The following NEXN variants were observed in gnomAD, a reference collection of about 807,000 sequenced individuals.
The protein encoded by NEXN is nexilin F-actin binding protein.
In NEXN, 65 loss-of-function variants were observed where a neutral mutation model predicts 92.6. The ratio of observed to expected loss-of-function variants is 0.70; its 90% CI spans 0.57 to 0.86. The LOEUF (loss-of-function observed/expected upper bound fraction) is 0.86, where lower values mean the gene tolerates loss of function less well. Ranked by LOEUF, NEXN falls within the 40% of genes least tolerant of loss-of-function variation. NEXN has a pLI of 0.00. For missense variants in NEXN, 778 were observed against 771.1 expected (o/e 1.01, Z -0.11); for synonymous variants, 254 against 242.5 (o/e 1.05, Z -0.44).
At chr1:77,924,260 G>C in intron 5 of NEXN, 1 of 155,596 alleles carries the variant, frequency 6.4e-6, no homozygotes, top group South Asian at 1.7e-4. Flanking sequence ...TACTCAGGAG[G>C]CTGAGGCAGG....
intron 1 of NEXN, among the ~76,000 whole-genome samples, chr1:77,895,870 A>G (rs546826584): frequency 3.2e-4 from 49 of 152,178 alleles, no homozygotes; most frequent in African/African-American, 1.1e-3. Context: ...ATCTCAAAAA[A>G]GAAATCTTAA....
Position 77,929,417 on chromosome 1 carries a change from A to G in NEXN, c.966A>G (p.Arg322=). 1 of 1,613,890 alleles carries G rather than the reference A, an allele frequency of 6.2e-7. No homozygotes were observed. Residue 322 remains arginine (R), a synonymous_variant, in exon 9 of 13, where the codon AGA becomes AGG. Coordinates refer to ENST00000334785, the MANE Select transcript of NEXN (RefSeq NM_144573.4). ...LSFEEMERQR[R]EDEKRKAEEE... ...TTGAAGAAATGGAAAGGCAAAGAAGAGAAGATGAAAAAAGGAAAGCAGAAG... is the reference window on the plus strand; with the variant it reads ...TTGAAGAAATGGAAAGGCAAAGAAGGGAAGATGAAAAAAGGAAAGCAGAAG...
At chr1:77,910,953 T>G (rs1557969074) in intron 1 of NEXN, among the ~76,000 whole-genome samples, 1 of 151,948 alleles carries the variant, frequency 6.6e-6, no homozygotes, top group Non-Finnish European at 1.5e-5. Flanking sequence ...TCCTCCTGCC[T>G]CTGTTTCCCA....
Position 77,935,940 on chromosome 1 carries a change from C to G in NEXN, c.1369C>G (p.Gln457Glu). The change falls in exon 11 of 13, where the codon CAG (glutamine) becomes GAG (glutamate). Residue 457 changes from glutamine to glutamate, a missense_variant. Gln to Glu is a conservative substitution (Grantham distance 29). Around this residue, in one of 3 missense-constraint regions of NEXN, gnomAD observed 532 missense variants for 476.7 expected, o/e 1.12. Coordinates refer to ENST00000334785, the MANE Select transcript of NEXN (RefSeq NM_144573.4). The part of the protein sequence containing the change: ...NLKSKFEKIG[Q>E]LSEKEIQKKI... ...AAAAAGCAAGTTTGAAAAAATTGGA[C>G]AGTTGTCTGAAAAAGAAATACAGAA... is the stretch of plus-strand genomic sequence containing the variant. The G allele has an allele frequency of 6.2e-7, 1 of 1,613,688 alleles. No homozygotes were observed. The highest frequency in any genetic ancestry group is 8.5e-7 in the Non-Finnish European group (1 of 1,179,842).
intron 5 of NEXN, among the ~76,000 whole-genome samples, chr1:77,924,702 C>T (rs2093648448): frequency 6.6e-6 from 1 of 151,384 alleles, no homozygotes; most frequent in Non-Finnish European, 1.5e-5. Flanking sequence ...CTCTGTCACT[C>T]ACACTGGAGT....
chr1:77,916,084 G>A lies in NEXN; in HGVS notation c.-23G>A. 1 of 1,598,648 alleles carries A rather than the reference G, an allele frequency of 6.3e-7. No individual in the cohort carries two copies. The highest frequency in any genetic ancestry group is 8.5e-7 in the Non-Finnish European group (1 of 1,170,678). ...AAATATATACAGAGCTTCATAATCA[G>A]CCCAAGACCACATAGAGCAAACATG... is the stretch of plus-strand genomic sequence containing the variant. On this transcript the variant is annotated 5_prime_UTR_variant, in exon 2 of 13. Transcript: ENST00000334785.
chr1:77,901,603 A>G (rs1647716951), intron 1 of NEXN, among the ~76,000 whole-genome samples: 2 of 152,134 alleles, frequency 1.3e-5, no homozygotes, highest in South Asian at 2.1e-4. Flanking sequence ...ACAAGGTGCA[A>G]TGGAGCCGAA....
At chr1:77,891,314 G>A (rs1427256834) in intron 1 of NEXN, among the ~76,000 whole-genome samples, 1 of 152,052 alleles carries the variant, frequency 6.6e-6, no homozygotes, top group Non-Finnish European at 1.5e-5. Flanking sequence ...GGATTTTGAT[G>A]TATTTCCTTT....
At chr1:77,935,396 C>G (rs1650666831) in intron 10 of NEXN, among the ~76,000 whole-genome samples, 3 of 152,150 alleles carry the variant, frequency 2.0e-5, no homozygotes, top group African/African-American at 7.2e-5. Flanking sequence ...ACAACTCCTA[C>G]AAAAAGCTAA....
At chr1:77,927,466 T>A (rs1445308799) in intron 8 of NEXN, among the ~76,000 whole-genome samples, 1 of 152,208 alleles carries the variant, frequency 6.6e-6, no homozygotes, top group Non-Finnish European at 1.5e-5. Flanking sequence ...TGATTATAAG[T>A]GTAAACTTGT....
At chr1:77,913,567 G>A (rs1234488957) in intron 1 of NEXN, among the ~76,000 whole-genome samples, 3 of 151,994 alleles carry the variant, frequency 2.0e-5, no homozygotes, top group East Asian at 1.9e-4. Flanking sequence ...TCAAGGAAAT[G>A]CAAATAAAAA....
At chr1:77,905,253 C>T (rs1053923588) in intron 1 of NEXN, among the ~76,000 whole-genome samples, 5 of 52,842 alleles carry the variant, frequency 9.5e-5, no homozygotes, top group South Asian at 7.8e-4. Flanking sequence ...AGTGAGACTC[C>T]GTCTCAAAAA....
intron 8 of NEXN, among the ~76,000 whole-genome samples, chr1:77,928,310 CAAAAA>C (rs199608369): frequency 1.3e-5 from 1 of 75,296 alleles, no homozygotes. Context: ...GACCCTGTCT[CAAAAA>C]AAAAAAAAAA....
In NEXN at chr1:77,918,105, T is replaced by C; in HGVS notation, c.299-20T>C. 6.2e-7 allele frequency: 1 copy of C among 1,613,138 alleles called. No homozygotes were observed. Among genetic ancestry groups the C allele is most frequent in the Non-Finnish European group, 8.5e-7 (1 of 1,179,616 alleles). On this transcript the variant is annotated intron_variant, in intron 4 of 12. Coordinates refer to ENST00000334785, the MANE Select transcript of NEXN (RefSeq NM_144573.4). ...TAGAAACATAACCAAGTATCAAACTTTTTTTTCATATATTTTTAGGAACTG... is the reference window on the plus strand; with the variant it reads ...TAGAAACATAACCAAGTATCAAACTCTTTTTTCATATATTTTTAGGAACTG...
intron 1 of NEXN, among the ~76,000 whole-genome samples, chr1:77,913,231 A>T (rs1037022134): frequency 6.6e-6 from 1 of 152,184 alleles, no homozygotes; most frequent in Non-Finnish European, 1.5e-5. Context: ...CCTGACCAAT[A>T]TAGCGAAACC....
In NEXN at chr1:77,943,167, C is replaced by T; in HGVS notation, c.*338C>T. 1 of 332,518 alleles carries T rather than the reference C, an allele frequency of 3.0e-6. No homozygotes were observed. The highest frequency in any genetic ancestry group is 5.9e-6 in the Non-Finnish European group (1 of 170,556). 20.6% of individuals were successfully genotyped at this position (332,518 alleles called of 1,614,324 possible). A position where few individuals can be genotyped will look rare whatever the true frequency, so the allele number is the denominator to read the frequency against. On this transcript the variant is annotated 3_prime_UTR_variant, in exon 13 of 13. Transcript: ENST00000334785. ...TATGGGGGGGAATTACTCAATTATTCTATCAGAACCTATTATAAAGACTGT... is the reference window on the plus strand; with the variant it reads ...TATGGGGGGGAATTACTCAATTATTTTATCAGAACCTATTATAAAGACTGT...
In NEXN at chr1:77,935,936, T is replaced by C; in HGVS notation, c.1365T>C (p.Ile455=). The C allele has an allele frequency of 6.2e-7, 1 of 1,613,900 alleles. No individual in the cohort carries two copies. The part of the protein sequence containing the change: ...AKNLKSKFEK[I]GQLSEKEIQK... Reference sequence around the variant, plus strand: ...ACCTAAAAAGCAAGTTTGAAAAAATTGGACAGTTGTCTGAAAAAGAAATAC... The same window carrying C: ...ACCTAAAAAGCAAGTTTGAAAAAATCGGACAGTTGTCTGAAAAAGAAATAC... Residue 455 remains isoleucine, a synonymous_variant, in exon 11 of 13, where the codon ATT becomes ATC. Coordinates refer to ENST00000334785, the MANE Select transcript of NEXN (RefSeq NM_144573.4).
intron 1 of NEXN, among the ~76,000 whole-genome samples, chr1:77,911,572 A>G (rs75661811): frequency 3.3e-5 from 5 of 151,990 alleles, no homozygotes; most frequent in African/African-American, 1.2e-4. Flanking sequence ...AGCCTGGGCG[A>G]CAAGAGCAAG....
At chr1:77,915,185 T>G (rs554687186) in intron 1 of NEXN, among the ~76,000 whole-genome samples, 1 of 151,698 alleles carries the variant, frequency 6.6e-6, no homozygotes, top group Non-Finnish European at 1.5e-5. Flanking sequence ...TAGTGCTGCA[T>G]GCCTGTAGTC....
Sources: gnomAD v4.1 joint callset for allele counts (sites outside exome capture counted in the v4.1 genomes callset) on GRCh38, gnomAD v4.1.1 for gene constraint, gnomAD v4.1.1 regional missense constraint, MANE v1.5 for transcripts, NCBI Gene and HGNC (gene_info 2026-07-23, HGNC 2026-07-21) for gene names.